MPC2: variants seen among roughly 807,000 people sequenced by gnomAD.
The protein encoded by MPC2 is mitochondrial pyruvate carrier 2.
Under a neutral mutation model 19.2 loss-of-function variants are expected in MPC2, and 19 were observed. That is an observed-to-expected ratio of 0.99 (90% CI 0.69 to 1.45). The LOEUF (loss-of-function observed/expected upper bound fraction) is 1.45, where lower values mean the gene tolerates loss of function less well. Ranked by LOEUF, MPC2 falls within the 40% of genes most tolerant of loss-of-function variation. The pLI, the probability that MPC2 is intolerant of heterozygous loss-of-function variation, is 0.00. For missense variants in MPC2, 122 were observed against 153.0 expected (o/e 0.80, Z 1.07); for synonymous variants, 61 against 54.3 (o/e 1.12, Z -0.54).
chr1:167,923,156 A>G lies in MPC2; in HGVS notation c.150+1341T>C, dbSNP rs1320843855. Among the ~76,000 whole-genome samples the G allele has an allele frequency of 8.5e-5, 13 of 152,200 alleles. 1 individual carries two copies. The highest frequency in any genetic ancestry group is 8.5e-4 in the Admixed American group (13 of 15,272). On this transcript the variant is annotated intron_variant, in intron 3 of 5. Coordinates refer to ENST00000271373, the MANE Select transcript of MPC2 (RefSeq NM_001143674.4). ...TTGCTGAGGAAAACAAAAAATATTA[A>G]GCAGAATTATCATATGATCTAGCAA...
chr1:167,921,130 T>C (rs1410997607), intron 3 of MPC2, among the ~76,000 whole-genome samples: 1 of 152,178 alleles, frequency 6.6e-6, no homozygotes, highest in Admixed American at 6.5e-5. Context: ...GTTTGTTACA[T>C]GGGTATATTG....
rs1305893190 is a variant in MPC2 at position 167,917,119 on chromosome 1, T to C, written c.*1204A>G. 1 of 152,256 alleles carries C rather than the reference T, an allele frequency of 6.6e-6. No individual in the cohort carries two copies. The highest frequency in any genetic ancestry group is 1.5e-5 in the Non-Finnish European group (1 of 68,042). The allele number at this position is 152,256 out of a possible 1,614,324, so 9.4% of individuals were successfully genotyped here. On this transcript the variant is annotated 3_prime_UTR_variant, in exon 6 of 6. Coordinates refer to ENST00000271373, the MANE Select transcript of MPC2 (RefSeq NM_001143674.4). ...TATTTTTAATGAGGACTGGCTTTAT[T>C]AGCACTTTTAGAAAAAAAGCTCTGC... is the stretch of plus-strand genomic sequence containing the variant.
chr1:167,924,257 G>C (rs1056891346), intron 3 of MPC2, among the ~76,000 whole-genome samples: 1 of 152,052 alleles, frequency 6.6e-6, no homozygotes, highest in Non-Finnish European at 1.5e-5. Flanking sequence ...GTGCACAATT[G>C]TAAGTTTTTT....
intron 5 of MPC2, 77 bp downstream of exon 5, chr1:167,919,902 C>T (rs200893061): frequency 5.1e-5 from 49 of 953,322 alleles, no homozygotes; most frequent in Admixed American, 1.9e-4. Flanking sequence ...AGCGAGACCC[C>T]GTCTCAAAAA....
At chr1:167,925,038 G>T (rs1402979017) in intron 2 of MPC2, among the ~76,000 whole-genome samples, 1 of 152,152 alleles carries the variant, frequency 6.6e-6, no homozygotes, top group Non-Finnish European at 1.5e-5. Context: ...GTTTTGAAAA[G>T]TATCACCAGA....
chr1:167,928,930 C>T (rs989308551), intron 2 of MPC2, among the ~76,000 whole-genome samples: 1 of 152,226 alleles, frequency 6.6e-6, no homozygotes, highest in Non-Finnish European at 1.5e-5. Flanking sequence ...AAATTGTCCA[C>T]ATCAAACATA....
intron 2 of MPC2, among the ~76,000 whole-genome samples, chr1:167,925,555 GT>G (rs1366544117): frequency 1.2e-4 from 6 of 49,736 alleles, no homozygotes; most frequent in South Asian, 5.8e-4. Context: ...GGTTTTTTTT[GT>G]TTTTTTTTGA....
At chr1:167,920,510 T>C (rs1420490506) in intron 4 of MPC2, 37 bp downstream of exon 4, 2 of 1,598,340 alleles carry the variant, frequency 1.3e-6, no homozygotes, top group African/African-American at 1.4e-5. Context: ...ATCATTTATG[T>C]TCTACAAGAA....
chr1:167,920,630 C>G lies in MPC2; in HGVS notation c.152G>C (p.Gly51Ala). The G allele has an allele frequency of 6.2e-7, 1 of 1,611,562 alleles. No individual in the cohort carries two copies. The highest frequency in any genetic ancestry group is 8.5e-7 in the Non-Finnish European group (1 of 1,178,884). ...VFFWAPIMKW[G>A]LVCAGLADMA... ...ATCAGCCAATCCAGCACACACCAAC[C>G]CCTACACATTAACGCATAGAAAGAA... is the stretch of plus-strand genomic sequence containing the variant. Residue 51 changes from glycine (G) to alanine (A), a missense_variant and splice_region_variant, in exon 4 of 6, where the codon GGG (glycine) becomes GCG (alanine). Transcript: ENST00000271373.
chr1:167,932,798 G>A (rs1361083578), intron 2 of MPC2, among the ~76,000 whole-genome samples: 5 of 121,022 alleles, frequency 4.1e-5, no homozygotes, highest in Non-Finnish European at 6.4e-5. Context: ...AACAGAGCAA[G>A]ACTCTGTCTC....
intron 2 of MPC2, 40 bp downstream of exon 2, chr1:167,935,693 G>A (rs1363807606): frequency 6.6e-7 from 1 of 1,510,234 alleles, no homozygotes; most frequent in Non-Finnish European, 9.0e-7. Context: ...GAGGAAGCGA[G>A]AAGGAAGGTC....
rs573622520 is a variant in MPC2 at position 167,927,042 on chromosome 1, A to C, written c.110-2505T>G. Among the ~76,000 whole-genome samples the C allele has an allele frequency of 7.9e-4, 121 of 152,338 alleles. 2 individuals are homozygous for C. Among genetic ancestry groups the C allele is most frequent in the African/African-American group, 2.8e-3 (115 of 41,570 alleles). On this transcript the variant is annotated intron_variant, in intron 2 of 5. Coordinates refer to ENST00000271373, the MANE Select transcript of MPC2 (RefSeq NM_001143674.4). ...AACCCGAAGACAAGGTCCTTTTCTTAATCTTCCTTGACAAATAATAGGTAT... is the reference window on the plus strand; with the variant it reads ...AACCCGAAGACAAGGTCCTTTTCTTCATCTTCCTTGACAAATAATAGGTAT...
chr1:167,929,952 TAC>T (rs980984742), intron 2 of MPC2, among the ~76,000 whole-genome samples: 1 of 152,180 alleles, frequency 6.6e-6, no homozygotes, highest in African/African-American at 2.4e-5. Flanking sequence ...TTCCTTACAT[TAC>T]ACAAGTTCAC....
chr1:167,925,488 C>CAT (rs1670726568), intron 2 of MPC2, among the ~76,000 whole-genome samples: 5 of 115,470 alleles, frequency 4.3e-5, no homozygotes, highest in African/African-American at 6.4e-5. Context: ...TATACATATA[C>CAT]ACACACATAT....
chr1:167,924,579 T>C (rs753332496), intron 2 of MPC2, 42 bp from the exon 3 acceptor site: 1 of 1,401,578 alleles, frequency 7.1e-7, no homozygotes, highest in Non-Finnish European at 9.6e-7. Flanking sequence ...ATAAACCAAA[T>C]ATATTATACA....
At chr1:167,921,106 G>C (rs983675547) in intron 3 of MPC2, among the ~76,000 whole-genome samples, 3 of 152,042 alleles carry the variant, frequency 2.0e-5, no homozygotes, top group Non-Finnish European at 4.4e-5. Context: ...TTTAGATTTG[G>C]GGTATATGTG....
chr1:167,934,406 C>T (rs923021834), intron 2 of MPC2, among the ~76,000 whole-genome samples: 1 of 152,064 alleles, frequency 6.6e-6, no homozygotes, highest in African/African-American at 2.4e-5. Context: ...CCCTCCTTCC[C>T]GAAAATCTTT....
chr1:167,927,096 A>C (rs1343002013), intron 2 of MPC2, among the ~76,000 whole-genome samples: 1 of 152,236 alleles, frequency 6.6e-6, no homozygotes, highest in African/African-American at 2.4e-5. Context: ...TGGATCCACC[A>C]TGTTCAGGAT....
chr1:167,918,389 A>T (rs773673277), intron 5 of MPC2, 30 bp from the exon 6 acceptor site: 123 of 1,359,436 alleles, frequency 9.0e-5, no homozygotes, highest in Non-Finnish European at 1.3e-4. Context: ...AAAAATAATC[A>T]TCAATAATAA....
Sources: gnomAD v4.1 joint callset for allele counts (sites outside exome capture counted in the v4.1 genomes callset) on GRCh38, gnomAD v4.1.1 for gene constraint, MANE v1.5 for transcripts, NCBI Gene and HGNC (gene_info 2026-07-23, HGNC 2026-07-21) for gene names.